The following CALN1 variants were observed in gnomAD, a reference collection of about 807,000 sequenced individuals.
CALN1 encodes the protein calcium-binding protein 8.
Under a neutral mutation model 30.6 loss-of-function variants are expected in CALN1, and 17 were observed. That is an observed-to-expected ratio of 0.56 (90% CI 0.38 to 0.83). CALN1 has a LOEUF of 0.83. CALN1 is among the 40% of genes least tolerant of loss of function. CALN1 has a pLI of 0.00. For synonymous variants in CALN1, 156 were observed against 131.4 expected (o/e 1.19, Z -1.28); for missense variants, 291 against 354.9 (o/e 0.82, Z 1.45).
At chr7:72,121,225 A>T (rs911879017) in intron 3 of CALN1, among the ~76,000 whole-genome samples, 4 of 143,430 alleles carry the variant, frequency 2.8e-5, no homozygotes, top group Non-Finnish European at 3.0e-5. Context: ...TGTATTATAT[A>T]ACTATATAAT....
chr7:72,295,029 T>C (rs1462062313), intron 2 of CALN1, among the ~76,000 whole-genome samples: 1 of 136,206 alleles, frequency 7.3e-6, no homozygotes, highest in Admixed American at 7.9e-5. Context: ...TGAATTTAAG[T>C]AGAGACAATA....
At chr7:72,034,353 C>CAAAAAA (rs34276736) in intron 4 of CALN1, among the ~76,000 whole-genome samples, 6 of 90,212 alleles carry the variant, frequency 6.7e-5, no homozygotes, top group East Asian at 3.9e-4. Context: ...GACTCTGTCT[C>CAAAAAA]AAAAAAAAAA....
At chr7:71,915,179 T>C (rs1320190881) in intron 5 of CALN1, among the ~76,000 whole-genome samples, 1 of 152,132 alleles carries the variant, frequency 6.6e-6, no homozygotes, top group Non-Finnish European at 1.5e-5. Context: ...AGGCCTAATC[T>C]CACCCCCTTA....
chr7:71,944,594 CA>C (rs10677940), intron 5 of CALN1, among the ~76,000 whole-genome samples: 2,103 of 60,052 alleles, frequency 0.035, 12 homozygotes, highest in African/African-American at 0.087. Flanking sequence ...AACTCCATCC[CA>C]AAAAAAAAAA....
chr7:72,388,207 A>G (rs1405955799), intron 2 of CALN1, among the ~76,000 whole-genome samples: 2 of 152,210 alleles, frequency 1.3e-5, no homozygotes. Context: ...ACAAACGTGT[A>G]ACATTACACT....
At chr7:71,821,291 A>C (rs1562809711) in intron 5 of CALN1, among the ~76,000 whole-genome samples, 1 of 152,124 alleles carries the variant, frequency 6.6e-6, no homozygotes, top group Non-Finnish European at 1.5e-5. Flanking sequence ...TGTGACTTTT[A>C]TCTTCATATT....
chr7:71,883,620 C>G (rs1306711472), intron 5 of CALN1, among the ~76,000 whole-genome samples: 1 of 152,162 alleles, frequency 6.6e-6, no homozygotes, highest in Non-Finnish European at 1.5e-5. Context: ...ACGGTTAACC[C>G]TGTTCCTGGA....
At chr7:72,475,619 T>G in the CALN1 span, among the ~76,000 whole-genome samples, 2 of 152,222 alleles carry the variant, frequency 1.3e-5, no homozygotes, top group African/African-American at 4.8e-5. Context: ...TCTGTGAAGA[T>G]TTTCATGAGC....
intron 4 of CALN1, among the ~76,000 whole-genome samples, chr7:72,063,361 T>C (rs947550048): frequency 1.3e-5 from 2 of 152,260 alleles, no homozygotes; most frequent in African/African-American, 4.8e-5. Flanking sequence ...TGGTATGACA[T>C]GCAATGCCAT....
chr7:72,416,471 A>G (rs1369414289), upstream of CALN1, among the ~76,000 whole-genome samples: 3 of 152,164 alleles, frequency 2.0e-5, no homozygotes, highest in Non-Finnish European at 2.9e-5. Context: ...ACGGTGGCTC[A>G]CGCTGTAATC....
At chr7:71,845,775 C>G (rs1158426342) in intron 5 of CALN1, among the ~76,000 whole-genome samples, 1 of 152,184 alleles carries the variant, frequency 6.6e-6, no homozygotes, top group Admixed American at 6.5e-5. Flanking sequence ...ACACTCTCAT[C>G]CGGGCACAGT....
chr7:72,378,887 A>C (rs553949366), intron 2 of CALN1, among the ~76,000 whole-genome samples: 49 of 152,096 alleles, frequency 3.2e-4, no homozygotes, highest in African/African-American at 1.2e-3. Context: ...CTTTTCTGAA[A>C]GTTTTTCTTT....
chr7:72,205,551 A>AATATATATATATATATATAT (rs1554319583), intron 3 of CALN1, among the ~76,000 whole-genome samples: 24 of 82,920 alleles, frequency 2.9e-4, no homozygotes, highest in East Asian at 8.8e-4. Flanking sequence ...GCAAAAAAAA[A>AATATATATATATATATATAT]ATATATATAT....
chr7:72,367,627 C>CAAATAA (rs1205338947), intron 2 of CALN1, among the ~76,000 whole-genome samples: 2 of 151,834 alleles, frequency 1.3e-5, no homozygotes, highest in South Asian at 2.1e-4. Context: ...CCTGTCTCTA[C>CAAATAA]AAATAAAAAT....
chr7:72,338,229 C>A (rs901784223), intron 2 of CALN1, among the ~76,000 whole-genome samples: 1 of 152,100 alleles, frequency 6.6e-6, no homozygotes, highest in Non-Finnish European at 1.5e-5. Context: ...TTCCTTACAG[C>A]ACCCTCCTCT....
chr7:72,045,928 G>T (rs916340316), intron 4 of CALN1, among the ~76,000 whole-genome samples: 3 of 150,596 alleles, frequency 2.0e-5, no homozygotes, highest in Non-Finnish European at 2.9e-5. Context: ...GAACCTGGGA[G>T]GCAGAGGTTG....
chr7:71,874,259 CGA>C (rs1233872797), intron 5 of CALN1, among the ~76,000 whole-genome samples: 4 of 131,242 alleles, frequency 3.0e-5, no homozygotes, highest in Non-Finnish European at 6.2e-5. Context: ...TGGGTGACAG[CGA>C]GACTCTGTCT....
At position 71,812,929 on chromosome 7, in the gene CALN1, C is replaced by CATTATTATT. The variant is rs71092917; in HGVS notation, c.502-2446_502-2438dup. ...CAGCTATTTTATTTATCATCATCAT[C>CATTATTATT]ATTATTATTATTATTATTATTATTA... is the stretch of plus-strand genomic sequence containing the variant. On this transcript the variant is annotated intron_variant, in intron 5 of 6. Coordinates refer to ENST00000395275, the MANE Select transcript of CALN1 (RefSeq NM_031468.4). Among the ~76,000 whole-genome samples the CATTATTATT allele has an allele frequency of 4.9e-3, 674 of 136,492 alleles. 4 individuals carry two copies. The highest frequency in any genetic ancestry group is 0.011 in the Middle Eastern group (3 of 264). The allele number at this position is 136,492 out of a possible 152,430, so 89.5% of individuals were successfully genotyped here. A position where few individuals can be genotyped will look rare whatever the true frequency, so the allele number is the denominator to read the frequency against.
At chr7:72,204,956 T>C (rs999119394) in intron 3 of CALN1, among the ~76,000 whole-genome samples, 2 of 152,138 alleles carry the variant, frequency 1.3e-5, no homozygotes, top group African/African-American at 4.8e-5. Flanking sequence ...AATTTTATAA[T>C]CCCAACAATA....
Sources: gnomAD v4.1 joint callset for allele counts (sites outside exome capture counted in the v4.1 genomes callset) on GRCh38, gnomAD v4.1.1 for gene constraint, MANE v1.5 for transcripts, NCBI Gene and HGNC (gene_info 2026-07-23, HGNC 2026-07-21) for gene names.